ARHGEF12: variants seen among roughly 807,000 people sequenced by gnomAD.
The protein encoded by ARHGEF12 is KMT2A/ARHGEF12 fusion protein.
Under a neutral mutation model 211.2 loss-of-function variants are expected in ARHGEF12, and 66 were observed. The observed-to-expected ratio is 0.31, with a 90% CI of 0.26 to 0.38. ARHGEF12 has a LOEUF of 0.38. ARHGEF12 is among the 10% of genes least tolerant of loss of function. ARHGEF12 has a pLI of 1.00. For synonymous variants in ARHGEF12, 592 were observed against 638.4 expected (o/e 0.93, Z 1.09); for missense variants, 1,429 against 1,869.5 (o/e 0.76, Z 4.34).
chr11:120,462,525 A>C (rs1202221852), intron 27 of ARHGEF12: 1 of 152,212 alleles, frequency 6.6e-6, no homozygotes, highest in Non-Finnish European at 1.5e-5. Flanking sequence ...AGACTTGCTC[A>C]GGGTTGCCAT....
chr11:120,466,774 G>A (rs1319344347), intron 28 of ARHGEF12, among the ~76,000 whole-genome samples: 2 of 152,234 alleles, frequency 1.3e-5, no homozygotes. Flanking sequence ...CACTGGTATA[G>A]ATGAGCTGGC....
At chr11:120,478,527 C>G (rs1398693885) in intron 37 of ARHGEF12, 138 bp downstream of exon 37, 2 of 822,700 alleles carry the variant, frequency 2.4e-6, no homozygotes, top group African/African-American at 1.7e-5. Flanking sequence ...CTACAGTGGC[C>G]CATGCCACAG....
intron 1 of ARHGEF12, among the ~76,000 whole-genome samples, chr11:120,381,952 G>C (rs1943890571): frequency 6.6e-6 from 1 of 152,180 alleles, no homozygotes; most frequent in African/African-American, 2.4e-5. Context: ...TCCAAAGATT[G>C]TATCGGGCTT....
chr11:120,391,104 G>A (rs1011521889), intron 1 of ARHGEF12, among the ~76,000 whole-genome samples: 5 of 152,170 alleles, frequency 3.3e-5, no homozygotes, highest in Non-Finnish European at 7.4e-5. Context: ...TGTAGTTTGA[G>A]GCTTTTGAGT....
chr11:120,428,003 G>A, intron 7 of ARHGEF12, 66 bp from the exon 8 acceptor site: 3 of 1,357,432 alleles, frequency 2.2e-6, no homozygotes, highest in South Asian at 3.4e-5. Flanking sequence ...TAGTAAAATG[G>A]TATAAAAAGT....
chr11:120,379,260 T>C (rs1943812916), intron 1 of ARHGEF12, among the ~76,000 whole-genome samples: 1 of 152,014 alleles, frequency 6.6e-6, no homozygotes. Context: ...CAATTGATTT[T>C]TCTATGTTCA....
At chr11:120,482,247 A>G (rs1947267055) in intron 39 of ARHGEF12, among the ~76,000 whole-genome samples, 1 of 152,192 alleles carries the variant, frequency 6.6e-6, no homozygotes, top group African/African-American at 2.4e-5. Flanking sequence ...GAGAAATGCT[A>G]TGACTTTCTG....
intron 1 of ARHGEF12, among the ~76,000 whole-genome samples, chr11:120,404,139 A>G (rs1489503171): frequency 6.6e-6 from 1 of 152,188 alleles, no homozygotes; most frequent in Non-Finnish European, 1.5e-5. Context: ...AGTGACCATC[A>G]GTAGGTTGAT....
chr11:120,395,083 TAAGGG>T (rs1944341727), intron 1 of ARHGEF12, among the ~76,000 whole-genome samples: 1 of 126,276 alleles, frequency 7.9e-6, no homozygotes, highest in South Asian at 2.5e-4. Context: ...AAAAAAAAGA[TAAGGG>T]AGCATTATGA....
intron 1 of ARHGEF12, among the ~76,000 whole-genome samples, chr11:120,373,149 G>A (rs1429760257): frequency 6.6e-6 from 1 of 152,058 alleles, no homozygotes; most frequent in Non-Finnish European, 1.5e-5. Context: ...ACCAGCTTTA[G>A]TAATAAAATA....
intron 1 of ARHGEF12, among the ~76,000 whole-genome samples, chr11:120,353,284 G>T (rs1943041655): frequency 6.6e-6 from 1 of 152,186 alleles, no homozygotes; most frequent in African/African-American, 2.4e-5. Context: ...AGGACCTTGT[G>T]CCCGGTATTA....
intron 11 of ARHGEF12, among the ~76,000 whole-genome samples, chr11:120,435,794 G>A (rs1288284107): frequency 1.3e-5 from 2 of 152,006 alleles, no homozygotes; most frequent in Admixed American, 6.6e-5. Flanking sequence ...GGGATTACAG[G>A]TGTGATCCAC....
Position 120,447,865 on chromosome 11 carries a change from T to C in ARHGEF12, c.1590-9T>C. The C allele has an allele frequency of 6.4e-7, 1 of 1,554,688 alleles. No individual in the cohort carries two copies. The highest frequency in any genetic ancestry group is 8.7e-7 in the Non-Finnish European group (1 of 1,153,462). ...TTTCATTTTTAAATTTTTTTTTCTT[T>C]TTTTTAAGGATGACTGCTCAGGCTG... On this transcript the variant is annotated splice_polypyrimidine_tract_variant and intron_variant, in intron 18 of 40. Coordinates refer to ENST00000397843, the MANE Select transcript of ARHGEF12 (RefSeq NM_015313.3).
At chr11:120,427,966 G>A (rs1262813065) in intron 7 of ARHGEF12, 103 bp from the exon 8 acceptor site, 2 of 986,600 alleles carry the variant, frequency 2.0e-6, no homozygotes, top group Non-Finnish European at 2.9e-6. Context: ...TACATAACTG[G>A]ATCTTTTAGA....
chr11:120,485,837 G>A lies in ARHGEF12; in HGVS notation c.*760G>A, dbSNP rs150153714. ...ATAGGAATCCTCAACATACTAAATA[G>A]CAGGCACTTGAAAATGGGTGTGTTT... On this transcript the variant is annotated 3_prime_UTR_variant, in exon 41 of 41. Coordinates refer to ENST00000397843, the MANE Select transcript of ARHGEF12 (RefSeq NM_015313.3). 1.2e-3 allele frequency: 277 copies of A among 233,442 alleles called. No individual in the cohort carries two copies. Among genetic ancestry groups the A allele is most frequent in the African/African-American group, 5.6e-3 (254 of 45,450 alleles). The allele number at this position is 233,442 out of a possible 1,614,324, so 14.5% of individuals were successfully genotyped here. A position where few individuals can be genotyped will look rare whatever the true frequency, so the allele number is the denominator to read the frequency against.
intron 26 of ARHGEF12, 26 bp downstream of exon 26, chr11:120,459,346 G>A (rs1042646199): frequency 2.5e-6 from 4 of 1,596,392 alleles, no homozygotes; most frequent in East Asian, 2.3e-5. Context: ...TCTGATCTTT[G>A]CCCCTAACAT....
chr11:120,352,827 G>A (rs951930552), intron 1 of ARHGEF12, among the ~76,000 whole-genome samples: 1 of 152,184 alleles, frequency 6.6e-6, no homozygotes, highest in Non-Finnish European at 1.5e-5. Flanking sequence ...ACCACACAGT[G>A]CTCTGGGCAG....
At chr11:120,461,973 C>A (rs1049535614) in intron 27 of ARHGEF12, among the ~76,000 whole-genome samples, 1 of 152,192 alleles carries the variant, frequency 6.6e-6, no homozygotes, top group Non-Finnish European at 1.5e-5. Context: ...ATTTCATCTT[C>A]TTTATACAGA....
intron 1 of ARHGEF12, among the ~76,000 whole-genome samples, chr11:120,396,557 G>A (rs1453748257): frequency 2.0e-5 from 3 of 152,198 alleles, no homozygotes; most frequent in Non-Finnish European, 2.9e-5. Flanking sequence ...ATAGACCCAC[G>A]TATATATGGA....
Sources: allele counts gnomAD v4.1 joint callset (sites outside exome capture counted in the v4.1 genomes callset), GRCh38; gene constraint gnomAD v4.1.1; transcripts MANE v1.5; gene names NCBI Gene and HGNC (gene_info 2026-07-23, HGNC 2026-07-21).